The following ALDH18A1 variants were observed in gnomAD, a reference collection of about 807,000 sequenced individuals.
ALDH18A1 encodes the protein aldehyde dehydrogenase 18 family member A1.
ALDH18A1 carries 44 observed loss-of-function variants against 88.8 expected under a neutral mutation model. The ratio of observed to expected loss-of-function variants is 0.50; its 90% CI spans 0.39 to 0.64. ALDH18A1 has a LOEUF of 0.64. Among genes scored for constraint, ALDH18A1 ranks in the 30% least tolerant of loss-of-function variants. The probability of loss-of-function intolerance (pLI) is 0.00; values close to 1 mark genes in which losing one functional copy is unlikely to be tolerated. For synonymous variants in ALDH18A1, 331 were observed against 372.1 expected (o/e 0.89, Z 1.27); for missense variants, 782 against 1,009.5 (o/e 0.77, Z 3.05).
intron 15 of ALDH18A1, 105 bp from the exon 16 acceptor site, chr10:95,611,547 C>T: frequency 1.5e-6 from 2 of 1,305,670 alleles, no homozygotes; most frequent in Non-Finnish European, 2.2e-6. Flanking sequence ...CCCAAAGTGG[C>T]TCCTGTAGCC....
intron 7 of ALDH18A1, 116 bp downstream of exon 7, chr10:95,632,843 A>C (rs2097872926): frequency 1.1e-6 from 1 of 883,670 alleles, no homozygotes; most frequent in Non-Finnish European, 1.9e-6. Context: ...ACATATGGCT[A>C]ATGATCTATA....
At chr10:95,641,936 C>G (rs1244442352) in intron 3 of ALDH18A1, among the ~76,000 whole-genome samples, 1 of 152,068 alleles carries the variant, frequency 6.6e-6, no homozygotes, top group Non-Finnish European at 1.5e-5. Flanking sequence ...GTCACCACAC[C>G]CAACCGATTT....
At chr10:95,633,153 G>A in intron 6 of ALDH18A1, 104 bp from the exon 7 acceptor site, 2 of 1,088,756 alleles carry the variant, frequency 1.8e-6, no homozygotes, top group East Asian at 5.0e-5. Context: ...CTAGGATCAG[G>A]CAAAACCAAT....
chr10:95,629,963 A>C (rs946983787), intron 7 of ALDH18A1, among the ~76,000 whole-genome samples: 9 of 152,108 alleles, frequency 5.9e-5, no homozygotes, highest in Non-Finnish European at 1.2e-4. Context: ...CAAGCAGTAT[A>C]AGAGAGAAGG....
chr10:95,611,442 C>T lies in ALDH18A1; in HGVS notation c.1924G>A (p.Val642Ile). The change falls in exon 16 of 18, where the codon GTA becomes ATA. Residue 642 changes from valine to isoleucine, a missense_variant and splice_region_variant. Physicochemically the swap from Val to Ile is conservative, Grantham distance 29 (BLOSUM62 3). Transcript: ENST00000371224. The part of the protein sequence containing the change: ...QIIDMLRVEQ[V>I]KIHAGPKFAS... ...AATTTGGGGCCTGCATGAATTTTTA[C>T]CTGGAACAGAGGAAGTCCAGGGGCA... is the stretch of plus-strand genomic sequence containing the variant. 1 of 1,614,120 alleles carries T rather than the reference C, an allele frequency of 6.2e-7. No homozygotes were observed. Among genetic ancestry groups the T allele is most frequent in the Non-Finnish European group, 8.5e-7 (1 of 1,179,994 alleles).
rs144038491 is a variant in ALDH18A1, at chr10:95,627,448, G to T, written c.1072C>A (p.Pro358Thr). 11 of 1,613,988 alleles carry T rather than the reference G, an allele frequency of 6.8e-6. No individual in the cohort carries two copies. The African/African-American group carries it at 1.5e-4, about 22-fold the overall frequency. Reference sequence around the variant, plus strand: ...CTTATGAAGAACTATTTACCTGCAGGCTTTACTTCTGAAAAGAAGGTACCA... The same window carrying T: ...CTTATGAAGAACTATTTACCTGCAGTCTTTACTTCTGAAAAGAAGGTACCA... ...KVGTFFSEVK[P>T]AGPTVEQQGE... The change falls in exon 9 of 18, where the codon CCT becomes ACT. Residue 358 changes from proline (P) to threonine (T), a missense_variant. By Grantham distance (38) the Pro-to-Thr change is conservative. Around this residue, in one of 3 missense-constraint regions of ALDH18A1, gnomAD observed 556 missense variants for 654.5 expected, o/e 0.85. Transcript: ENST00000371224.
intron 13 of ALDH18A1, among the ~76,000 whole-genome samples, chr10:95,615,926 G>C (rs1420680274): frequency 6.6e-6 from 1 of 152,070 alleles, no homozygotes; most frequent in African/African-American, 2.4e-5. Flanking sequence ...CTGCTGTGAC[G>C]ATCAAATGAG....
At chr10:95,654,166 C>CTT (rs34306795) in intron 1 of ALDH18A1, among the ~76,000 whole-genome samples, 68 of 138,446 alleles carry the variant, frequency 4.9e-4, no homozygotes, top group Admixed American at 1.7e-3. Context: ...ATTATTGTAG[C>CTT]TTTTTTTTTT....
chr10:95,621,819 A>G (rs1027722522), intron 11 of ALDH18A1, among the ~76,000 whole-genome samples: 1 of 152,178 alleles, frequency 6.6e-6, no homozygotes, highest in East Asian at 1.9e-4. Flanking sequence ...AAGGCATGTA[A>G]TAAGGATACT....
rs771219591 is a variant in ALDH18A1 at position 95,627,587 on chromosome 10, CTAA to C, written c.934-4_934-2del. 3.1e-6 allele frequency: 5 copies of C among 1,613,922 alleles called. No individual in the cohort carries two copies. The highest frequency in any genetic ancestry group is 1.7e-5 in the Admixed American group (1 of 59,994). Reference sequence around the variant, plus strand: ...GCAAAGCCCAGAGGGCTGCTTTCACCTAATGAGACAGGTTAGATCCAGTAAAGA... The same window carrying C: ...GCAAAGCCCAGAGGGCTGCTTTCACCTGAGACAGGTTAGATCCAGTAAAGA... On this transcript the variant is annotated splice_acceptor_variant and splice_polypyrimidine_tract_variant and intron_variant, in intron 8 of 17. Coordinates refer to ENST00000371224, the MANE Select transcript of ALDH18A1 (RefSeq NM_002860.4). LOFTEE classifies it high-confidence loss of function.
In ALDH18A1 at chr10:95,606,872, T is replaced by C. The variant is rs755019667; in HGVS notation, c.2278A>G (p.Thr760Ala). ...TCCTTCCCTCGCAGCAGCCACTTAG[T>C]AGTAAGCAGTCCCTCAAGTCCTACT... is the stretch of plus-strand genomic sequence containing the variant. ...GPVGLEGLLT[T>A]KWLLRGKDHV... Residue 760 changes from threonine to alanine, a missense_variant, in exon 18 of 18, where the codon ACT becomes GCT. This residue lies in a region of ALDH18A1 where 556 missense variants were observed against 654.5 expected (regional missense o/e 0.85). Coordinates refer to ENST00000371224, the MANE Select transcript of ALDH18A1 (RefSeq NM_002860.4). The C allele has an allele frequency of 3.1e-6, 5 of 1,614,190 alleles. No individual in the cohort carries two copies. In the Admixed American group the frequency reaches 8.3e-5, roughly 27 times the overall value.
intron 13 of ALDH18A1, among the ~76,000 whole-genome samples, chr10:95,615,504 A>C (rs1224084607): frequency 1.3e-5 from 2 of 152,060 alleles, no homozygotes; most frequent in Non-Finnish European, 2.9e-5. Flanking sequence ...TGTGTGTGTG[A>C]ACAGTCGCAG....
At chr10:95,642,767 A>G (rs1406121446) in intron 3 of ALDH18A1, among the ~76,000 whole-genome samples, 1 of 152,254 alleles carries the variant, frequency 6.6e-6, no homozygotes, top group Non-Finnish European at 1.5e-5. Context: ...AGTCTGAGAC[A>G]TGAACTGCAT....
rs755190719 is a variant in ALDH18A1, at chr10:95,625,391, G to T, written c.1217C>A (p.Ala406Asp). ...LTDQRDEILL[A>D]NKKDLEEAEG... Reference sequence around the variant, plus strand: ...TGCCTCCTCCAAGTCTTTTTTGTTGGCTAACAGGATCTCATCACGCTGGTC... The same window carrying T: ...TGCCTCCTCCAAGTCTTTTTTGTTGTCTAACAGGATCTCATCACGCTGGTC... Residue 406 changes from alanine (A) to aspartate (D), a missense_variant, in exon 11 of 18, where the codon GCC (alanine) becomes GAC (aspartate). By Grantham distance (126) the Ala-to-Asp change is moderately radical. Transcript: ENST00000371224. The T allele has an allele frequency of 1.2e-6, 2 of 1,613,676 alleles. No homozygotes were observed. Among genetic ancestry groups the T allele is most frequent in the South Asian group, 2.2e-5 (2 of 91,066 alleles).
intron 2 of ALDH18A1, among the ~76,000 whole-genome samples, chr10:95,644,067 C>T (rs544289543): frequency 3.9e-5 from 6 of 152,152 alleles, no homozygotes; most frequent in East Asian, 1.9e-4. Flanking sequence ...CGCTTGAACC[C>T]GGGAGGCAGA....
At chr10:95,609,856 C>T (rs2097830142) in intron 17 of ALDH18A1, among the ~76,000 whole-genome samples, 1 of 150,040 alleles carries the variant, frequency 6.7e-6, no homozygotes, top group Non-Finnish European at 1.5e-5. Flanking sequence ...GCAACCTCTG[C>T]CTCCCGGGTT....
intron 3 of ALDH18A1, among the ~76,000 whole-genome samples, chr10:95,640,633 T>G (rs780098454): frequency 6.6e-6 from 1 of 152,234 alleles, no homozygotes; most frequent in Non-Finnish European, 1.5e-5. Context: ...TAAGCCACTG[T>G]GCCCAGCTGT....
chr10:95,630,799 TA>T (rs1253070504), intron 7 of ALDH18A1, among the ~76,000 whole-genome samples: 1 of 152,176 alleles, frequency 6.6e-6, no homozygotes, highest in Non-Finnish European at 1.5e-5. Context: ...TACCCCAACT[TA>T]CCTGTTCCTA....
chr10:95,637,221 G>T (rs139772394), intron 4 of ALDH18A1, 24 bp from the exon 5 acceptor site: 470 of 1,614,220 alleles, frequency 2.9e-4, no homozygotes, highest in Middle Eastern at 1.2e-3. Flanking sequence ...ATGAGACAAG[G>T]TGTGGTAGGG....
Sources: gnomAD v4.1 joint callset for allele counts (sites outside exome capture counted in the v4.1 genomes callset) on GRCh38, gnomAD v4.1.1 for gene constraint, gnomAD v4.1.1 regional missense constraint, MANE v1.5 for transcripts, NCBI Gene and HGNC (gene_info 2026-07-23, HGNC 2026-07-21) for gene names.